Variants in TBC1D22A observed in about 807,000 individuals in gnomAD.
TBC1D22A encodes the protein TBC1 domain family member 22A, also known as putative GTPase activator.
In TBC1D22A, 38 loss-of-function variants were observed where a neutral mutation model predicts 60.2. The ratio of observed to expected loss-of-function variants is 0.63; its 90% CI spans 0.49 to 0.83. The LOEUF (loss-of-function observed/expected upper bound fraction) is 0.83. TBC1D22A is among the 40% of genes least tolerant of loss of function. TBC1D22A has a pLI of 0.00. For missense variants in TBC1D22A, 628 were observed against 701.0 expected, an observed-to-expected ratio of 0.90 and a Z score of 1.18; for synonymous variants, 302 against 281.7, an observed-to-expected ratio of 1.07 and a Z score of -0.72.
At chr22:47,169,263 T>C (rs991679301) in intron 12 of TBC1D22A, among the ~76,000 whole-genome samples, 1 of 152,136 alleles carries the variant, frequency 6.6e-6, no homozygotes, top group Non-Finnish European at 1.5e-5. Flanking sequence ...GGCCCTCAAC[T>C]TCAACAGGGG....
chr22:46,969,223 G>A (rs1272685507), intron 8 of TBC1D22A, among the ~76,000 whole-genome samples: 3 of 152,112 alleles, frequency 2.0e-5, no homozygotes, highest in African/African-American at 7.2e-5. Flanking sequence ...GTTTTTTTCT[G>A]TTGCAGAAAT....
intron 4 of TBC1D22A, among the ~76,000 whole-genome samples, chr22:46,851,841 C>T (rs1239359890): frequency 1.3e-5 from 2 of 152,218 alleles, no homozygotes; most frequent in East Asian, 3.9e-4. Flanking sequence ...AGGCTCTTAA[C>T]AGGGGTGTGC....
At chr22:46,962,725 C>T (rs942669327) in intron 8 of TBC1D22A, among the ~76,000 whole-genome samples, 8 of 152,192 alleles carry the variant, frequency 5.3e-5, no homozygotes, top group Non-Finnish European at 7.3e-5. Context: ...CTGTTACAAA[C>T]GTCAGATTCT....
intron 12 of TBC1D22A, among the ~76,000 whole-genome samples, chr22:47,132,045 G>C (rs977712335): frequency 2.6e-5 from 4 of 152,144 alleles, no homozygotes; most frequent in Non-Finnish European, 5.9e-5. Flanking sequence ...TGCAGTGTGC[G>C]GCCAGTTTCT....
At chr22:46,857,372 C>T (rs2087622565) in intron 4 of TBC1D22A, among the ~76,000 whole-genome samples, 1 of 152,208 alleles carries the variant, frequency 6.6e-6, no homozygotes, top group Non-Finnish European at 1.5e-5. Flanking sequence ...CGTCAAAGCC[C>T]ATCATCGCTG....
intron 11 of TBC1D22A, among the ~76,000 whole-genome samples, chr22:47,104,609 C>T (rs534274343): frequency 1.3e-5 from 2 of 150,918 alleles, no homozygotes; most frequent in African/African-American, 2.4e-5. Context: ...GCAGGAGAAT[C>T]GCTTGAACCC....
chr22:47,153,749 C>A (rs1043980347), intron 12 of TBC1D22A, among the ~76,000 whole-genome samples: 2 of 152,066 alleles, frequency 1.3e-5, no homozygotes, highest in Non-Finnish European at 2.9e-5. Flanking sequence ...AGGGCAAGGT[C>A]AGAGAAGAAG....
At chr22:46,799,405 C>G (rs1287195871) in intron 4 of TBC1D22A, among the ~76,000 whole-genome samples, 1 of 152,184 alleles carries the variant, frequency 6.6e-6, no homozygotes, top group African/African-American at 2.4e-5. Context: ...ACCTCTGAAA[C>G]CTTCGCTGCA....
intron 7 of TBC1D22A, among the ~76,000 whole-genome samples, chr22:46,899,395 C>T (rs565381610): frequency 1.1e-4 from 16 of 151,464 alleles, no homozygotes; most frequent in East Asian, 5.8e-4. Context: ...TGCAGTGAGC[C>T]GAGGTGGCGC....
chr22:46,762,892 G>T, intron 1 of TBC1D22A, 44 bp downstream of exon 1: 1 of 1,465,882 alleles, frequency 6.8e-7, no homozygotes, highest in Non-Finnish European at 9.0e-7. Flanking sequence ...GGGGTCAGAG[G>T]TCAGGTGGCC....
rs902188902 is a variant in TBC1D22A, at chr22:46,902,566, C to T, written c.900+7720C>T. ...TTGCTAGATAATATCACCACTTAAG[C>T]GACAGCTCACTTGCTGGAATGCGAG... On this transcript the variant is annotated intron_variant, in intron 7 of 12. Coordinates refer to ENST00000337137, the MANE Select transcript of TBC1D22A (RefSeq NM_014346.5). Among the ~76,000 whole-genome samples the T allele has an allele frequency of 1.3e-3, 202 of 152,214 alleles. 2 individuals carry two copies. Among genetic ancestry groups the T allele is most frequent in the Non-Finnish European group, 2.9e-4 (20 of 68,044 alleles).
At chr22:46,808,909 G>C (rs1315087486) in intron 4 of TBC1D22A, among the ~76,000 whole-genome samples, 3 of 152,210 alleles carry the variant, frequency 2.0e-5, no homozygotes, top group African/African-American at 7.2e-5. Flanking sequence ...CAGCTTTTGA[G>C]GTATTCATAT....
rs1569293430 is a variant in TBC1D22A at position 46,974,403 on chromosome 22, AGCGCCC to A, written c.1125+11_1125+16del. 6.2e-6 allele frequency: 10 copies of A among 1,605,922 alleles called. No homozygotes were observed. The highest frequency in any genetic ancestry group is 1.7e-4 in the Middle Eastern group (1 of 5,984). On this transcript the variant is annotated splice_donor_5th_base_variant and intron_variant, in intron 9 of 12. Transcript: ENST00000337137. ...CAAGCTGCTGGATGGCATTCAGGTGAGCGCCCGCGCCCACGGGACACAGCCCACGCC... is the reference window on the plus strand; with the variant it reads ...CAAGCTGCTGGATGGCATTCAGGTGAGCGCCCACGGGACACAGCCCACGCC...
At chr22:47,155,751 C>T (rs2067689147) in intron 12 of TBC1D22A, among the ~76,000 whole-genome samples, 1 of 152,250 alleles carries the variant, frequency 6.6e-6, no homozygotes, top group African/African-American at 2.4e-5. Flanking sequence ...AGCGCAGACC[C>T]CCACCCGAGT....
chr22:46,978,163 G>T (rs1413005069), intron 9 of TBC1D22A, among the ~76,000 whole-genome samples: 1 of 152,202 alleles, frequency 6.6e-6, no homozygotes, highest in Non-Finnish European at 1.5e-5. Flanking sequence ...GGGAGATCAG[G>T]TGCTGCCCAG....
chr22:47,129,029 C>G (rs1410420960), intron 12 of TBC1D22A, among the ~76,000 whole-genome samples: 1 of 152,172 alleles, frequency 6.6e-6, no homozygotes, highest in African/African-American at 2.4e-5. Context: ...ACGTAGGCCT[C>G]TCGTTTTTTG....
At chr22:47,075,005 C>G (rs1010424742) in intron 11 of TBC1D22A, among the ~76,000 whole-genome samples, 10 of 152,236 alleles carry the variant, frequency 6.6e-5, no homozygotes, top group South Asian at 2.1e-4. Context: ...AGGCAGATCA[C>G]GAGGTCAGGA....
intron 11 of TBC1D22A, among the ~76,000 whole-genome samples, chr22:47,096,077 G>A (rs1245569348): frequency 6.6e-6 from 1 of 152,166 alleles, no homozygotes; most frequent in Admixed American, 6.5e-5. Context: ...GTAGATAATA[G>A]TCTAATGAAT....
In TBC1D22A at chr22:46,990,512, A is replaced by G. The variant is rs2074898586; in HGVS notation, c.1126-7122A>G. ...TTACAATTGAGGAGCCAATATCGAT[A>G]CATTATTGTCAACTAAAGTCCACAG... is the stretch of plus-strand genomic sequence containing the variant. On this transcript the variant is annotated intron_variant, in intron 9 of 12. Transcript: ENST00000337137. The surrounding 1 kb of genome is among the most constrained non-coding windows in gnomAD (Gnocchi z 4.6). 6.6e-6 allele frequency among the ~76,000 whole-genome samples: 1 copy of G among 152,130 alleles called. No individual in the cohort carries two copies. Among genetic ancestry groups the G allele is most frequent in the African/African-American group, 2.4e-5 (1 of 41,414 alleles).
Sources: allele counts gnomAD v4.1 joint callset (sites outside exome capture counted in the v4.1 genomes callset), GRCh38; gene constraint gnomAD v4.1.1; non-coding constraint Gnocchi (gnomAD v3.1); transcripts MANE v1.5; gene names NCBI Gene and HGNC (gene_info 2026-07-23, HGNC 2026-07-21).